Variants in ACAD11 observed in about 807,000 individuals in gnomAD.
The protein encoded by ACAD11 is acyl-Coenzyme A dehydrogenase family, member 11.
A neutral mutation model predicts 102.2 loss-of-function variants in ACAD11; 83 were observed. The observed-to-expected ratio is 0.81, with a 90% CI of 0.68 to 0.97. The LOEUF is 0.97. Among genes scored for constraint, ACAD11 ranks in the 50% least tolerant of loss-of-function variants. The probability of loss-of-function intolerance (pLI) is 0.00; values close to 1 mark genes in which losing one functional copy is unlikely to be tolerated. For missense variants in ACAD11, 901 were observed against 951.7 expected, an observed-to-expected ratio of 0.95 and a Z score of 0.70; for synonymous variants, 324 against 319.8, an observed-to-expected ratio of 1.01 and a Z score of -0.14.
At chr3:132,591,465 T>C (rs955250816) in intron 13 of ACAD11, among the ~76,000 whole-genome samples, 1 of 152,218 alleles carries the variant, frequency 6.6e-6, no homozygotes, top group East Asian at 1.9e-4. Flanking sequence ...CTATCCAGCA[T>C]CAGTGAGCTG....
At chr3:132,622,867 G>A (rs1220589809) in intron 9 of ACAD11, among the ~76,000 whole-genome samples, 1 of 152,086 alleles carries the variant, frequency 6.6e-6, no homozygotes. Context: ...TTTGCAAAAT[G>A]TTTTTCATTT....
chr3:132,614,415 C>A (rs1301845570), intron 11 of ACAD11, among the ~76,000 whole-genome samples: 1 of 152,206 alleles, frequency 6.6e-6, no homozygotes, highest in Non-Finnish European at 1.5e-5. Context: ...TGCTACCTGA[C>A]TTCAAACTAT....
chr3:132,636,922 C>T (rs895401988), intron 5 of ACAD11, among the ~76,000 whole-genome samples: 2 of 151,790 alleles, frequency 1.3e-5, no homozygotes, highest in African/African-American at 2.4e-5. Flanking sequence ...GAGTGGGAAC[C>T]GAGATGGGAC....
chr3:132,600,624 C>A (rs1332131871), intron 13 of ACAD11: 1 of 1,613,702 alleles, frequency 6.2e-7, no homozygotes. Flanking sequence ...AGAACCAAAA[C>A]AGATGTGTAC....
intron 19 of ACAD11, 36 bp from the exon 20 acceptor site, chr3:132,559,121 T>C: frequency 7.1e-7 from 1 of 1,408,048 alleles, no homozygotes; most frequent in Non-Finnish European, 1.0e-6. Flanking sequence ...CACAGGGAGT[T>C]ATGGAAGAGG....
Position 132,567,567 on chromosome 3 carries a change from C to T in ACAD11, c.2002-6350G>A, listed in dbSNP as rs182610582. Among the ~76,000 whole-genome samples, 81 of 151,970 alleles carry T rather than the reference C, an allele frequency of 5.3e-4. 1 individual carries two copies. The Middle Eastern group carries it at 0.014, about 26-fold the overall frequency. Reference sequence around the variant, plus strand: ...GAAAAGGAAAACAGAAAAACAATAACCAGAGAGAACAAACAGAAAACAAAA... The same window carrying T: ...GAAAAGGAAAACAGAAAAACAATAATCAGAGAGAACAAACAGAAAACAAAA... On this transcript the variant is annotated intron_variant, in intron 17 of 19. Transcript: ENST00000264990.
In ACAD11 at chr3:132,640,169, T is replaced by C. The variant is rs371839230; in HGVS notation, c.538-513A>G. On this transcript the variant is annotated intron_variant, in intron 4 of 19. Coordinates refer to ENST00000264990, the MANE Select transcript of ACAD11 (RefSeq NM_032169.5). ...CGCTCTGTTGCCCAGGCTGGAGTGC[T>C]ACCTCCACCTCCCAGGTTCAAGTGA... Among the ~76,000 whole-genome samples the C allele has an allele frequency of 8.8e-4, 134 of 151,688 alleles. 2 individuals carry two copies. The South Asian group carries it at 0.025, about 28-fold the overall frequency.
chr3:132,622,478 AATCTCTGACCACCTTTTCTC>A (rs1939645684), intron 9 of ACAD11, among the ~76,000 whole-genome samples: 1 of 152,190 alleles, frequency 6.6e-6, no homozygotes, highest in South Asian at 2.1e-4. Flanking sequence ...CTCATTTTCT[AATCTCTGACCACCTTTTCTC>A]ATCTCTGACC....
intron 13 of ACAD11, among the ~76,000 whole-genome samples, chr3:132,598,906 A>C (rs1260076994): frequency 6.6e-6 from 1 of 152,190 alleles, no homozygotes; most frequent in African/African-American, 2.4e-5. Flanking sequence ...ATGAGGAACA[A>C]AACAGAGGAG....
intron 5 of ACAD11, among the ~76,000 whole-genome samples, chr3:132,638,043 A>AT (rs1046948186): frequency 8.5e-5 from 13 of 152,092 alleles, no homozygotes; most frequent in Admixed American, 5.2e-4. Context: ...ATACCCTAAT[A>AT]TTTTTCTGAA....
chr3:132,637,688 C>CA (rs1213241007), intron 5 of ACAD11, among the ~76,000 whole-genome samples: 3 of 152,108 alleles, frequency 2.0e-5, no homozygotes, highest in Admixed American at 6.5e-5. Flanking sequence ...GATTTCTTTT[C>CA]AACATTGCAG....
intron 11 of ACAD11, among the ~76,000 whole-genome samples, chr3:132,614,739 CAA>C (rs1332115023): frequency 1.4e-4 from 21 of 152,136 alleles, no homozygotes; most frequent in Non-Finnish European, 2.6e-4. Context: ...AAAACCTAGG[CAA>C]TACCATTCAG....
At position 132,582,554 on chromosome 3, in the gene ACAD11, C is replaced by T. The variant is rs533531097; in HGVS notation, c.1622-2996G>A. ...GAGTGAACTACAATGTTTTATTTTT[C>T]TTTCTGAATTTGCTTTTAATCTGAA... On this transcript the variant is annotated intron_variant, in intron 13 of 19. Transcript: ENST00000264990. 2.6e-5 allele frequency among the ~76,000 whole-genome samples: 4 copies of T among 151,984 alleles called. No homozygotes were observed. The South Asian group carries it at 8.3e-4, about 32-fold the overall frequency.
At chr3:132,585,185 T>A (rs867282051) in intron 13 of ACAD11, among the ~76,000 whole-genome samples, 3 of 152,188 alleles carry the variant, frequency 2.0e-5, no homozygotes, top group African/African-American at 7.2e-5. Context: ...TCAGAAATAA[T>A]GCCGCATATG....
chr3:132,564,480 C>T (rs915054668), intron 17 of ACAD11, among the ~76,000 whole-genome samples: 14 of 152,162 alleles, frequency 9.2e-5, no homozygotes, highest in African/African-American at 3.1e-4. Flanking sequence ...ACTTCATCTT[C>T]GGTGAGTTTT....
chr3:132,567,488 T>C (rs1405967674), intron 17 of ACAD11, among the ~76,000 whole-genome samples: 1 of 151,744 alleles, frequency 6.6e-6, no homozygotes, highest in Admixed American at 6.6e-5. Context: ...AGAAACACTA[T>C]AAATAAATCA....
chr3:132,589,007 G>A (rs573283549), intron 13 of ACAD11, among the ~76,000 whole-genome samples: 2 of 152,226 alleles, frequency 1.3e-5, no homozygotes, highest in East Asian at 1.9e-4. Flanking sequence ...TCCGAAAGGC[G>A]GTGATTAAGT....
intron 18 of ACAD11, 28 bp from the exon 19 acceptor site, chr3:132,559,970 C>T (rs1216170677): frequency 6.4e-7 from 1 of 1,562,842 alleles, no homozygotes; most frequent in Non-Finnish European, 8.8e-7. Flanking sequence ...GAAAAGAATG[C>T]TTCTTTCTTA....
intron 11 of ACAD11, among the ~76,000 whole-genome samples, chr3:132,611,175 G>C (rs62291495): frequency 2.2e-4 from 34 of 151,976 alleles, no homozygotes; most frequent in African/African-American, 6.8e-4. Context: ...ATTCAACAAC[G>C]CTTCATGCTA....
Sources: allele counts gnomAD v4.1 joint callset (sites outside exome capture counted in the v4.1 genomes callset), GRCh38; gene constraint gnomAD v4.1.1; transcripts MANE v1.5; gene names NCBI Gene and HGNC (gene_info 2026-07-23, HGNC 2026-07-21).